The following MSN variants were observed in gnomAD, a reference collection of about 807,000 sequenced individuals.
MSN encodes moesin, also known as epididymis luminal protein 70.
MSN carries 2 observed loss-of-function variants against 48.0 expected under a neutral mutation model. The observed-to-expected ratio is 0.04, with a 90% confidence interval of 0.02 to 0.13. MSN has a LOEUF of 0.13. Ranked by LOEUF, MSN falls within the 10% of genes least tolerant of loss-of-function variation. MSN has a pLI of 1.00. For synonymous variants in MSN, 146 were observed against 166.9 expected, an observed-to-expected ratio of 0.87 and a Z score of 0.97; for missense variants, 267 against 470.1, an observed-to-expected ratio of 0.57 and a Z score of 3.99.
intron 3 of MSN, among the ~76,000 whole-genome samples, chrX:65,728,208 G>A (rs1055912626): frequency 4.4e-5 from 5 of 112,561 alleles, no homozygotes; most frequent in Admixed American, 2.8e-4. Flanking sequence ...AAATCCATTA[G>A]TGGCTTTTCA....
At chrX:65,702,620 C>T (rs1457057502) in intron 1 of MSN, among the ~76,000 whole-genome samples, 1 of 109,922 alleles carries the variant, frequency 9.1e-6, no homozygotes, top group African/African-American at 3.4e-5. Flanking sequence ...GAGCCAAGAT[C>T]ACGCCATTGC....
intron 1 of MSN, among the ~76,000 whole-genome samples, chrX:65,699,265 T>C (rs911599043): frequency 1.8e-5 from 2 of 111,818 alleles, no homozygotes; most frequent in Admixed American, 1.9e-4. Context: ...TTTACTGGGA[T>C]TGGACTCAGA....
chrX:65,637,376 T>TG (rs1190477923), intron 1 of MSN, among the ~76,000 whole-genome samples: 9 of 100,352 alleles, frequency 9.0e-5, no homozygotes, highest in African/African-American at 3.4e-4. Context: ...CACTCCAGCC[T>TG]GGGCAACGAG....
At chrX:65,657,789 T>A (rs745757498) in intron 1 of MSN, among the ~76,000 whole-genome samples, 1 of 111,830 alleles carries the variant, frequency 8.9e-6, no homozygotes, top group South Asian at 3.8e-4. Flanking sequence ...TCCTCGAGTA[T>A]GTCTGGTCAT....
intron 1 of MSN, among the ~76,000 whole-genome samples, chrX:65,675,835 A>G (rs902712183): frequency 4.1e-4 from 45 of 110,946 alleles, no homozygotes; most frequent in Non-Finnish European, 7.8e-4. Context: ...ATGGGGTTTC[A>G]CCATGTTGGC....
chrX:65,687,704 G>A (rs1299245316), intron 1 of MSN, among the ~76,000 whole-genome samples: 1 of 111,781 alleles, frequency 8.9e-6, no homozygotes, highest in Non-Finnish European at 1.9e-5. Context: ...GGTAGAGGCA[G>A]CATATTTATG....
rs1428985139 is a variant in MSN, at chrX:65,641,549, AGTAT to A, written c.-22+52938_-22+52941del. 2.7e-3 allele frequency among the ~76,000 whole-genome samples: 87 copies of A among 32,562 alleles called. 4 individuals are homozygous for A. The highest frequency in any genetic ancestry group is 6.5e-3 in the African/African-American group (60 of 9,245). 28.3% of individuals were successfully genotyped at this position (32,562 alleles called of 115,157 possible). A position where few individuals can be genotyped will look rare whatever the true frequency, so the allele number is the denominator to read the frequency against. The stretch of plus-strand genomic sequence containing the variant: ...GGTCTCAAAAAAAAAAAAAAAGTGA[AGTAT>A]ATATATATATATATATATATATATA... On this transcript the variant is annotated intron_variant, in intron 1 of 3. Coordinates refer to the MSN transcript ENST00000609672.
chrX:65,618,053 T>A (rs758073392), intron 1 of MSN, among the ~76,000 whole-genome samples: 254 of 111,023 alleles, frequency 2.3e-3, no homozygotes, highest in Middle Eastern at 4.6e-3. Context: ...CTAGTTTGAT[T>A]GCACTGTGGT....
chrX:65,609,762 A>G (rs752749400), intron 1 of MSN, among the ~76,000 whole-genome samples: 1 of 111,476 alleles, frequency 9.0e-6, no homozygotes, highest in East Asian at 2.8e-4. Flanking sequence ...ATGTGCCTGT[A>G]GTCCCAGCTA....
At chrX:65,646,144 T>C (rs2070693660) in intron 1 of MSN, among the ~76,000 whole-genome samples, 1 of 112,094 alleles carries the variant, frequency 8.9e-6, no homozygotes, top group Admixed American at 9.5e-5. Flanking sequence ...AGCATGAGTA[T>C]ATCTTTTCCT....
intron 1 of MSN, among the ~76,000 whole-genome samples, chrX:65,621,340 C>T (rs1002923386): frequency 8.9e-5 from 10 of 112,024 alleles, no homozygotes; most frequent in Non-Finnish European, 1.7e-4. Context: ...GTTCAATTGT[C>T]CTGGCACCAT....
At chrX:65,622,519 T>C (rs940568146) in intron 1 of MSN, among the ~76,000 whole-genome samples, 1 of 101,064 alleles carries the variant, frequency 9.9e-6, no homozygotes, top group African/African-American at 3.6e-5. Context: ...TGTTTTTTTT[T>C]TTTTTTTTTT....
intron 2 of MSN, among the ~76,000 whole-genome samples, chrX:65,725,894 T>C (rs1321052148): frequency 8.9e-6 from 1 of 112,286 alleles, no homozygotes; most frequent in Non-Finnish European, 1.9e-5. Context: ...AGTACAATGA[T>C]AGAACTTAAG....
chrX:65,683,536 T>A (rs1487503447), intron 1 of MSN, among the ~76,000 whole-genome samples: 1 of 109,244 alleles, frequency 9.2e-6, no homozygotes, highest in Non-Finnish European at 1.9e-5. Flanking sequence ...GGAGATATTT[T>A]CCTCCCATCC....
intron 1 of MSN, among the ~76,000 whole-genome samples, chrX:65,705,371 A>G (rs1322339099): frequency 8.9e-6 from 1 of 111,813 alleles, no homozygotes; most frequent in Non-Finnish European, 1.9e-5. Context: ...GTGTCAGCCC[A>G]TGTGCCTAAG....
intron 1 of MSN, among the ~76,000 whole-genome samples, chrX:65,627,904 C>G (rs2070521184): frequency 8.9e-6 from 1 of 111,834 alleles, no homozygotes; most frequent in African/African-American, 3.2e-5. Context: ...TTGGCCAAAA[C>G]AAGGAGGTTA....
At chrX:65,664,680 C>T (rs1319082364), upstream of MSN, among the ~76,000 whole-genome samples, 4 of 107,784 alleles carry the variant, frequency 3.7e-5, no homozygotes, top group Admixed American at 1.0e-4. Flanking sequence ...CCCTCAGCCC[C>T]TTTCCCCCTA....
intron 1 of MSN, among the ~76,000 whole-genome samples, chrX:65,683,941 TC>T (rs66750936): frequency 0.083 from 8,553 of 103,543 alleles, 449 homozygotes; most frequent in Non-Finnish European, 0.13. Flanking sequence ...TCTTTCTTTT[TC>T]TTTTTTTTTT....
chrX:65,620,852 A>G (rs1303672045), intron 1 of MSN, among the ~76,000 whole-genome samples: 2 of 104,382 alleles, frequency 1.9e-5, no homozygotes, highest in African/African-American at 3.5e-5. Context: ...CAAATACTAG[A>G]TTATGAAGAT....
Sources: gnomAD v4.1 joint callset for allele counts (sites outside exome capture counted in the v4.1 genomes callset) on GRCh38, gnomAD v4.1.1 for gene constraint, MANE v1.5 for transcripts, NCBI Gene and HGNC (gene_info 2026-07-23, HGNC 2026-07-21) for gene names.